LEO1: variants seen among roughly 807,000 people sequenced by gnomAD.
The protein encoded by LEO1 is LEO1 component of Paf1/RNA polymerase II complex.
Under a neutral mutation model 80.4 loss-of-function variants are expected in LEO1, and 34 were observed. The ratio of observed to expected loss-of-function variants is 0.42; its 90% CI spans 0.32 to 0.56. The LOEUF (loss-of-function observed/expected upper bound fraction) is 0.56, where lower values mean the gene tolerates loss of function less well. Ranked by LOEUF, LEO1 falls within the 20% of genes least tolerant of loss-of-function variation. LEO1 has a pLI of 0.10. For missense variants in LEO1, 631 were observed against 814.2 expected, an observed-to-expected ratio of 0.77 and a Z score of 2.74; for synonymous variants, 262 against 274.9, an observed-to-expected ratio of 0.95 and a Z score of 0.46.
chr15:51,947,195 A>T, intron 11 of LEO1, 97 bp downstream of exon 11: 1 of 801,734 alleles, frequency 1.2e-6, no homozygotes, highest in Non-Finnish European at 2.2e-6. Context: ...TGTGTAGACA[A>T]CTAATTTGTG....
At chr15:51,953,036 G>C in intron 8 of LEO1, 93 bp downstream of exon 8, 1 of 995,182 alleles carries the variant, frequency 1.0e-6, no homozygotes, top group South Asian at 1.6e-5. Context: ...TCATACCGTG[G>C]GGTTACATCA....
intron 11 of LEO1, among the ~76,000 whole-genome samples, chr15:51,945,268 A>AAAAAAAAAAAAAAAAAAAAAAAC: frequency 6.7e-6 from 1 of 149,880 alleles, no homozygotes; most frequent in Non-Finnish European, 1.5e-5. Context: ...AATACAAAAA[A>AAAAAAAAAAAAAAAAAAAAAAAC]AAAAAAAAAA....
rs780239214 is a variant in LEO1, at chr15:51,960,692, T to C, written c.961A>G (p.Ile321Val). 4 of 1,611,902 alleles carry C rather than the reference T, an allele frequency of 2.5e-6. No individual in the cohort carries two copies. The highest frequency in any genetic ancestry group is 3.3e-5 in the Admixed American group (2 of 60,010). The stretch of plus-strand genomic sequence containing the variant: ...TCTTCTCCATCACTCCCTGAAGAGA[T>C]ATCATCTGCACCTCCAAATAAATCC... ...TMDLFGGADD[I>V]SSGSDGEDKP... Residue 321 changes from isoleucine to valine, a missense_variant, in exon 4 of 12, where the codon ATC becomes GTC. By Grantham distance (29) the Ile-to-Val change is conservative. Around this residue, in one of 4 missense-constraint regions of LEO1, gnomAD observed 394 missense variants for 395.6 expected, o/e 1.00. Coordinates refer to ENST00000299601, the MANE Select transcript of LEO1 (RefSeq NM_138792.4).
rs2056933248 is a variant in LEO1 at position 51,949,851 on chromosome 15, G to A, written c.1755C>T (p.Ile585=). The change falls in exon 10 of 12, where the codon ATC becomes ATT. Residue 585 remains isoleucine, a synonymous_variant. Transcript: ENST00000299601. ...YDEEEEGEES[I]SLAAIKNRYK... is the part of the protein sequence containing the mutation. ...ATCGGTTTTTAATGGCAGCCAAGCT[G>A]ATGGACTCCTCGCCTTCCTCCTCCT... is the stretch of plus-strand genomic sequence containing the variant. The A allele has an allele frequency of 6.2e-7, 1 of 1,613,960 alleles. No individual in the cohort carries two copies. The highest frequency in any genetic ancestry group is 8.5e-7 in the Non-Finnish European group (1 of 1,180,020).
Position 51,938,095 on chromosome 15 carries a change from T to C in LEO1, c.*61A>G, listed in dbSNP as rs1194854149. ...ATCGATTCATTTCAATCAAAATAAC[T>C]CATGTTTACATATTTATAACTGTAC... On this transcript the variant is annotated 3_prime_UTR_variant, in exon 12 of 12. Coordinates refer to ENST00000299601, the MANE Select transcript of LEO1 (RefSeq NM_138792.4). 5 of 788,016 alleles carry C rather than the reference T, an allele frequency of 6.3e-6. No homozygotes were observed. The highest frequency in any genetic ancestry group is 1.0e-5 in the Non-Finnish European group (5 of 495,818). 48.8% of individuals were successfully genotyped at this position (788,016 alleles called of 1,614,324 possible). A position where few individuals can be genotyped will look rare whatever the true frequency, so the allele number is the denominator to read the frequency against.
chr15:51,971,629 C>T (rs918920980), intron 1 of LEO1, 59 bp downstream of exon 1: 6 of 1,562,718 alleles, frequency 3.8e-6, no homozygotes, highest in Non-Finnish European at 5.3e-6. Flanking sequence ...CCACGGTTGT[C>T]CGGCTCCCAC....
intron 1 of LEO1, among the ~76,000 whole-genome samples, chr15:51,969,107 C>A (rs1387033845): frequency 6.6e-6 from 1 of 151,938 alleles, no homozygotes; most frequent in Non-Finnish European, 1.5e-5. Context: ...TGGGCGCACG[C>A]CACCACACCT....
At chr15:51,962,733 C>CA (rs982375110) in intron 2 of LEO1, among the ~76,000 whole-genome samples, 1 of 152,026 alleles carries the variant, frequency 6.6e-6, no homozygotes, top group African/African-American at 2.4e-5. Flanking sequence ...ATGACATTTC[C>CA]AAAAAACCAA....
chr15:51,942,632 C>G (rs2056862784), intron 11 of LEO1, among the ~76,000 whole-genome samples: 1 of 151,998 alleles, frequency 6.6e-6, no homozygotes, highest in South Asian at 2.1e-4. Flanking sequence ...AACAATGAAA[C>G]AAATTTTGGC....
At chr15:51,948,040 G>C (rs540461720) in intron 10 of LEO1, among the ~76,000 whole-genome samples, 1 of 152,174 alleles carries the variant, frequency 6.6e-6, no homozygotes, top group African/African-American at 2.4e-5. Context: ...TCCAAAATGA[G>C]TTTGAAGGTA....
Position 51,966,175 on chromosome 15 carries a change from A to C in LEO1, c.388T>G (p.Ser130Ala), listed in dbSNP as rs2057075450. The change falls in exon 2 of 12, where the codon TCA becomes GCA. Residue 130 changes from serine (S) to alanine (A), a missense_variant. By Grantham distance (99) the Ser-to-Ala change is moderately conservative. Around this residue, in one of 4 missense-constraint regions of LEO1, gnomAD observed 394 missense variants for 395.6 expected, o/e 1.00. Transcript: ENST00000299601. ...GHRSDGGSHHSEAEGSEKAHS... is the reference protein window; with the variant it reads ...GHRSDGGSHHAEAEGSEKAHS... ...GCTTTTTCAGAACCTTCTGCTTCTG[A>C]ATGATGGCTCCCTCCATCCGATCTA... is the stretch of plus-strand genomic sequence containing the variant. The C allele has an allele frequency of 2.5e-6, 4 of 1,613,756 alleles. No homozygotes were observed. The highest frequency in any genetic ancestry group is 3.4e-6 in the Non-Finnish European group (4 of 1,180,032).
intron 10 of LEO1, among the ~76,000 whole-genome samples, chr15:51,948,448 T>A (rs964453218): frequency 6.6e-6 from 1 of 152,204 alleles, no homozygotes; most frequent in Non-Finnish European, 1.5e-5. Flanking sequence ...AGAAAGGGTC[T>A]CTGTACTGTG....
At chr15:51,969,919 C>T (rs867822016) in intron 1 of LEO1, among the ~76,000 whole-genome samples, 1 of 150,418 alleles carries the variant, frequency 6.6e-6, no homozygotes, top group South Asian at 2.1e-4. Flanking sequence ...AATGAGACAC[C>T]ACTTGATAAC....
chr15:51,949,911 C>T lies in LEO1; in HGVS notation c.1695G>A (p.Leu565=), dbSNP rs757910945. 9 of 1,614,090 alleles carry T rather than the reference C, an allele frequency of 5.6e-6. No individual in the cohort carries two copies. Among genetic ancestry groups the T allele is most frequent in the South Asian group, 5.5e-5 (5 of 91,068 alleles). The part of the protein sequence containing the change: ...RMREKQHQRG[L]SASYLEPDRY... The stretch of plus-strand genomic sequence containing the variant: ...GATCAGGTTCCAGGTAACTGGCGCT[C>T]AGCCCCCGCTGGTGCTGTTTCTCTC... Residue 565 remains leucine, a synonymous_variant, in exon 10 of 12, where the codon CTG becomes CTA. Transcript: ENST00000299601.
At chr15:51,964,013 T>C (rs1180792197) in intron 2 of LEO1, among the ~76,000 whole-genome samples, 2 of 151,678 alleles carry the variant, frequency 1.3e-5, no homozygotes, top group Non-Finnish European at 2.9e-5. Flanking sequence ...GAGACCATCC[T>C]GGCTAACACG....
chr15:51,945,262 C>CA lies in LEO1; in HGVS notation c.1896+2029dup, dbSNP rs71130110. ...TGAAACCCCATCTCTACAAAAAATA[C>CA]AAAAAAAAAAAAAAAAAGCCTTACA... On this transcript the variant is annotated intron_variant, in intron 11 of 11. Transcript: ENST00000299601. Among the ~76,000 whole-genome samples the CA allele has an allele frequency of 5.9e-3, 477 of 80,370 alleles. 27 individuals carry two copies. The highest frequency in any genetic ancestry group is 4.0e-3 in the South Asian group (8 of 1,986). The allele number at this position is 80,370 out of a possible 152,430, so 52.7% of individuals were successfully genotyped here. A position where few individuals can be genotyped will look rare whatever the true frequency, so the allele number is the denominator to read the frequency against.
intron 11 of LEO1, among the ~76,000 whole-genome samples, chr15:51,942,121 G>A (rs1019904468): frequency 1.3e-5 from 2 of 152,178 alleles, no homozygotes; most frequent in Non-Finnish European, 2.9e-5. Flanking sequence ...CACAGAGAGG[G>A]ACTTAGAACA....
intron 2 of LEO1, among the ~76,000 whole-genome samples, chr15:51,963,322 G>A (rs1348727909): frequency 6.6e-6 from 1 of 151,824 alleles, no homozygotes; most frequent in Non-Finnish European, 1.5e-5. Flanking sequence ...TGGTAGAAAT[G>A]AGAAAAGTAG....
chr15:51,943,311 G>A (rs1245481364), intron 11 of LEO1, among the ~76,000 whole-genome samples: 2 of 151,386 alleles, frequency 1.3e-5, no homozygotes, highest in African/African-American at 2.4e-5. Context: ...TTCGGGAGGC[G>A]GAAGTTGCAG....
Sources: gnomAD v4.1 joint callset for allele counts (sites outside exome capture counted in the v4.1 genomes callset) on GRCh38, gnomAD v4.1.1 for gene constraint, gnomAD v4.1.1 regional missense constraint, MANE v1.5 for transcripts, NCBI Gene and HGNC (gene_info 2026-07-23, HGNC 2026-07-21) for gene names.